Variants in GRB14 observed in about 807,000 individuals in gnomAD.
GRB14 encodes the protein growth factor receptor bound protein 14, also known as growth factor receptor-bound protein 14.
Under a neutral mutation model 69.1 loss-of-function variants are expected in GRB14, and 38 were observed. The observed-to-expected ratio is 0.55, with a 90% CI of 0.42 to 0.72. The LOEUF (loss-of-function observed/expected upper bound fraction) is 0.72. Among genes scored for constraint, GRB14 ranks in the 30% least tolerant of loss-of-function variants. The pLI is 0.00. For missense variants in GRB14, 666 were observed against 666.1 expected (o/e 1.00, Z 0.00); for synonymous variants, 247 against 241.3 (o/e 1.02, Z -0.22).
chr2:164,606,989 T>C (rs143196611), intron 2 of GRB14, among the ~76,000 whole-genome samples: 53 of 152,306 alleles, frequency 3.5e-4, no homozygotes, highest in Middle Eastern at 3.4e-3. Context: ...CTGCTAAGAC[T>C]GAAAATGCTT....
intron 3 of GRB14, among the ~76,000 whole-genome samples, chr2:164,527,368 T>A (rs1687809832): frequency 6.6e-6 from 1 of 151,472 alleles, no homozygotes; most frequent in Non-Finnish European, 1.5e-5. Context: ...CAAAGCAGAC[T>A]GTTGTCTAGA....
intron 9 of GRB14, among the ~76,000 whole-genome samples, chr2:164,498,701 A>G (rs1313378996): frequency 6.6e-6 from 1 of 152,186 alleles, no homozygotes; most frequent in Admixed American, 6.6e-5. Flanking sequence ...AGATTCAGCT[A>G]TACCTGGCTT....
intron 3 of GRB14, among the ~76,000 whole-genome samples, chr2:164,546,578 C>A (rs1017458378): frequency 6.6e-6 from 1 of 152,258 alleles, no homozygotes; most frequent in African/African-American, 2.4e-5. Flanking sequence ...TCCATATCCA[C>A]CACGATGCCC....
intron 2 of GRB14, among the ~76,000 whole-genome samples, chr2:164,577,556 A>G (rs748551348): frequency 1.2e-4 from 18 of 152,208 alleles, no homozygotes; most frequent in Non-Finnish European, 2.1e-4. Flanking sequence ...AAGTTTCCTG[A>G]AGCCTCCTCA....
At chr2:164,539,331 C>T (rs1285434485) in intron 3 of GRB14, among the ~76,000 whole-genome samples, 1 of 151,834 alleles carries the variant, frequency 6.6e-6, no homozygotes, top group Non-Finnish European at 1.5e-5. Context: ...AAAAATTAGC[C>T]AGGCGTGATG....
At chr2:164,573,475 A>G (rs1308019007) in intron 2 of GRB14, among the ~76,000 whole-genome samples, 1 of 152,240 alleles carries the variant, frequency 6.6e-6, no homozygotes, top group East Asian at 1.9e-4. Context: ...TGAACACTAA[A>G]TCTAAATGTT....
intron 2 of GRB14, among the ~76,000 whole-genome samples, chr2:164,610,220 A>G (rs1690134351): frequency 6.6e-6 from 1 of 152,224 alleles, no homozygotes; most frequent in African/African-American, 2.4e-5. Flanking sequence ...ATTCTTAATA[A>G]TTAAAACATT....
intron 2 of GRB14, among the ~76,000 whole-genome samples, chr2:164,552,105 C>G: frequency 6.6e-6 from 1 of 152,178 alleles, no homozygotes; most frequent in Non-Finnish European, 1.5e-5. Flanking sequence ...TCACTCAATC[C>G]CATGAATATA....
intron 3 of GRB14, among the ~76,000 whole-genome samples, chr2:164,536,390 T>C (rs1489860648): frequency 6.6e-6 from 1 of 152,164 alleles, no homozygotes; most frequent in African/African-American, 2.4e-5. Flanking sequence ...GCTTTAAAAA[T>C]CTCTTTAAAA....
At chr2:164,529,350 T>G (rs142190276) in intron 3 of GRB14, among the ~76,000 whole-genome samples, 287 of 152,298 alleles carry the variant, frequency 1.9e-3, no homozygotes, top group African/African-American at 6.5e-3. Flanking sequence ...TCGTGATGGT[T>G]GCACAACAAT....
At chr2:164,543,859 C>A (rs1459577293) in intron 3 of GRB14, among the ~76,000 whole-genome samples, 1 of 152,116 alleles carries the variant, frequency 6.6e-6, no homozygotes, top group Non-Finnish European at 1.5e-5. Context: ...ATTTTAAAGA[C>A]AAAACTGTTT....
At position 164,619,722 on chromosome 2, in the gene GRB14, C is replaced by T; in HGVS notation, c.289G>A (p.Asp97Asn). 2 of 1,591,718 alleles carry T rather than the reference C, an allele frequency of 1.3e-6. No individual in the cohort carries two copies. Among genetic ancestry groups the T allele is most frequent in the Non-Finnish European group, 1.7e-6 (2 of 1,173,824 alleles). ...CTTGAATTTGCTTTGGGAAATAGGT[C>T]TGCTGACAACACAGATGTAAATGGA... ...CSPFTSVLSA[D>N]LFPKANSRKK... is the part of the protein sequence containing the mutation. The change falls in exon 2 of 14, where the codon GAC becomes AAC. Residue 97 changes from aspartate to asparagine, a missense_variant. Physicochemically the swap from Asp to Asn is conservative, Grantham distance 23 (BLOSUM62 1). Transcript: ENST00000263915.
chr2:164,551,056 A>G (rs1688525061), intron 2 of GRB14, among the ~76,000 whole-genome samples: 1 of 152,180 alleles, frequency 6.6e-6, no homozygotes, highest in African/African-American at 2.4e-5. Context: ...TCTTAAAATC[A>G]GCCATGATGG....
chr2:164,596,619 T>C (rs1689787101), intron 2 of GRB14, among the ~76,000 whole-genome samples: 1 of 152,218 alleles, frequency 6.6e-6, no homozygotes, highest in African/African-American at 2.4e-5. Flanking sequence ...GTACATTTGG[T>C]CTAAGAAGAT....
At position 164,512,864 on chromosome 2, in the gene GRB14, T is replaced by C. The variant is rs143898558; in HGVS notation, c.817-4012A>G. Among the ~76,000 whole-genome samples the C allele has an allele frequency of 3.9e-5, 6 of 152,350 alleles. No homozygotes were observed. The East Asian group carries it at 1.2e-3, about 29-fold the overall frequency. On this transcript the variant is annotated intron_variant, in intron 6 of 13. Transcript: ENST00000263915. ...TCTCCGTCGTTAGCTGTTTTGAGCA[T>C]TGCCATTTGTTTGCTTCATCCTCAA... is the stretch of plus-strand genomic sequence containing the variant.
chr2:164,570,624 G>A (rs1689103915), intron 2 of GRB14, among the ~76,000 whole-genome samples: 1 of 152,276 alleles, frequency 6.6e-6, no homozygotes, highest in East Asian at 1.9e-4. Context: ...TTTGAAAAGT[G>A]AATAGAGGTG....
chr2:164,613,710 C>T (rs1690219392), intron 2 of GRB14, among the ~76,000 whole-genome samples: 1 of 152,216 alleles, frequency 6.6e-6, no homozygotes, highest in Non-Finnish European at 1.5e-5. Context: ...CCAATTTCAG[C>T]CTCTCATGAG....
In GRB14 at chr2:164,585,167, C is replaced by T. The variant is rs934284095; in HGVS notation, c.324+34520G>A. ...TTTGCCATGTCGGCCAGGCTGGTCT[C>T]GAACTCCTGACCTCAGGTGATCTGC... is the stretch of plus-strand genomic sequence containing the variant. On this transcript the variant is annotated intron_variant, in intron 2 of 13. Coordinates refer to ENST00000263915, the MANE Select transcript of GRB14 (RefSeq NM_004490.3). Among the ~76,000 whole-genome samples, 6 of 123,566 alleles carry T rather than the reference C, an allele frequency of 4.9e-5. No homozygotes were observed. The East Asian group carries it at 1.4e-3, about 28-fold the overall frequency. The allele number at this position is 123,566 out of a possible 152,430, so 81.1% of individuals were successfully genotyped here.
rs769761882 is a variant in GRB14, at chr2:164,508,710, T to C, written c.927+32A>G. 1.1e-5 allele frequency: 17 copies of C among 1,520,152 alleles called. No homozygotes were observed. In the South Asian group the frequency reaches 1.8e-4, roughly 16 times the overall value. The allele number at this position is 1,520,152 out of a possible 1,614,324, so 94.2% of individuals were successfully genotyped here. ...GCTTACCTAAAAGGCTGAGGCTTGCTTTATTCATCTATCAAAATATTAAGC... is the reference window on the plus strand; with the variant it reads ...GCTTACCTAAAAGGCTGAGGCTTGCCTTATTCATCTATCAAAATATTAAGC... On this transcript the variant is annotated intron_variant, in intron 7 of 13. Transcript: ENST00000263915.
Sources: gnomAD v4.1 joint callset for allele counts (sites outside exome capture counted in the v4.1 genomes callset) on GRCh38, gnomAD v4.1.1 for gene constraint, MANE v1.5 for transcripts, NCBI Gene and HGNC (gene_info 2026-07-23, HGNC 2026-07-21) for gene names.